CDC42EP4: variants seen among roughly 807,000 people sequenced by gnomAD.
The protein encoded by CDC42EP4 is CDC42 effector protein 4, also known as CDC42 effector protein (Rho GTPase binding) 4.
A neutral mutation model predicts 5.6 loss-of-function variants in CDC42EP4; 6 were observed. That is an observed-to-expected ratio of 1.07 (90% confidence interval 0.59 to 2.12). CDC42EP4 has a LOEUF of 2.12. CDC42EP4 is among the 30% of genes most tolerant of loss of function. The probability of loss-of-function intolerance (pLI) is 0.00; values close to 1 mark genes in which losing one functional copy is unlikely to be tolerated. For missense variants in CDC42EP4, 490 were observed against 508.6 expected, an observed-to-expected ratio of 0.96 and a Z score of 0.35; for synonymous variants, 230 against 224.2, an observed-to-expected ratio of 1.03 and a Z score of -0.23.
chr17:73,286,532 C>G lies in CDC42EP4; in HGVS notation c.-32G>C. 1.3e-6 allele frequency: 2 copies of G among 1,525,772 alleles called. No individual in the cohort carries two copies. Among genetic ancestry groups the G allele is most frequent in the Non-Finnish European group, 1.8e-6 (2 of 1,130,102 alleles). 94.5% of individuals were successfully genotyped at this position (1,525,772 alleles called of 1,614,324 possible). On this transcript the variant is annotated 5_prime_UTR_variant, in exon 2 of 2. Coordinates refer to ENST00000335793, the MANE Select transcript of CDC42EP4 (RefSeq NM_012121.5). The surrounding 1 kb of genome is among the most constrained non-coding windows in gnomAD (Gnocchi z 7.7). ...GGATGGGCGGGGAGGTGGGCCCTCC[C>G]GAGGTAGCCGGCAGGTCTGGGGTCA...
At chr17:73,300,486 CTA>C (rs2145321902) in intron 1 of CDC42EP4, among the ~76,000 whole-genome samples, 1 of 152,312 alleles carries the variant, frequency 6.6e-6, no homozygotes, top group East Asian at 1.9e-4. Context: ...TGCCTTCTCT[CTA>C]TGAGTTAATA....
Position 73,296,167 on chromosome 17 carries a change from C to T in CDC42EP4, c.-112-9555G>A, listed in dbSNP as rs939069650. ...TTGGGAGGCCGAGGCGGGTGGACCACGACGTCAGGAGTTTGAGACCAGCCT... is the reference window on the plus strand; with the variant it reads ...TTGGGAGGCCGAGGCGGGTGGACCATGACGTCAGGAGTTTGAGACCAGCCT... On this transcript the variant is annotated intron_variant, in intron 1 of 1. Coordinates refer to ENST00000335793, the MANE Select transcript of CDC42EP4 (RefSeq NM_012121.5). Among the ~76,000 whole-genome samples the T allele has an allele frequency of 8.7e-4, 129 of 148,770 alleles. 3 individuals are homozygous for T. The highest frequency in any genetic ancestry group is 3.0e-3 in the African/African-American group (119 of 40,104).
chr17:73,290,693 A>G (rs7212670), intron 1 of CDC42EP4, among the ~76,000 whole-genome samples: 36,705 of 152,140 alleles, frequency 0.24, 5,087 homozygotes, highest in Non-Finnish European at 0.32. Flanking sequence ...GGTAAACAAC[A>G]AAGACAGAGA....
At position 73,285,647 on chromosome 17, in the gene CDC42EP4, C is replaced by G. The variant is rs751620196; in HGVS notation, c.854G>C (p.Gly285Ala). The part of the protein sequence containing the change: ...SLPSHALEDE[G>A]WAAAAPSPGS... ...GGGGCTGGGGGCCGCTGCTGCCCACCCCTCATCCTCCAGAGCATGGGAGGG... is the reference window on the plus strand; with the variant it reads ...GGGGCTGGGGGCCGCTGCTGCCCACGCCTCATCCTCCAGAGCATGGGAGGG... The change falls in exon 2 of 2, where the codon GGG becomes GCG. Residue 285 changes from glycine to alanine, a missense_variant. By Grantham distance (60) the Gly-to-Ala change is moderately conservative. Coordinates refer to ENST00000335793, the MANE Select transcript of CDC42EP4 (RefSeq NM_012121.5). This position sits in a 1 kb window ranked among gnomAD's most constrained non-coding sequence, Gnocchi z 6.8. 1.9e-6 allele frequency: 3 copies of G among 1,592,904 alleles called. No individual in the cohort carries two copies. In the East Asian group the frequency reaches 6.8e-5, roughly 36 times the overall value.
chr17:73,287,388 T>C (rs1165386586), intron 1 of CDC42EP4, among the ~76,000 whole-genome samples: 1 of 152,166 alleles, frequency 6.6e-6, no homozygotes, highest in African/African-American at 2.4e-5. Context: ...TTCCAGTTTC[T>C]TTCATCATTA....
At chr17:73,295,611 T>C (rs2062180427) in intron 1 of CDC42EP4, among the ~76,000 whole-genome samples, 1 of 152,214 alleles carries the variant, frequency 6.6e-6, no homozygotes, top group African/African-American at 2.4e-5. Context: ...TTAAAATAAA[T>C]GATGGTTTTG....
At chr17:73,307,410 G>T (rs2062249015) in intron 1 of CDC42EP4, 1 of 152,084 alleles carries the variant, frequency 6.6e-6, no homozygotes, top group Non-Finnish European at 1.5e-5. Flanking sequence ...CGGTGAGCGG[G>T]AATGTGGGAG....
At chr17:73,307,862 T>C (rs1361221715) in intron 1 of CDC42EP4, among the ~76,000 whole-genome samples, 2 of 150,282 alleles carry the variant, frequency 1.3e-5, no homozygotes, top group Admixed American at 6.7e-5. Context: ...GTGTCTCAGC[T>C]TCCCCAGTAG....
intron 1 of CDC42EP4, chr17:73,306,698 AG>A (rs796358650): frequency 5.2e-4 from 79 of 152,358 alleles, no homozygotes; most frequent in African/African-American, 1.6e-3. Context: ...CCAGGACTTG[AG>A]GGGAACAGGT....
chr17:73,286,043 C>A lies in CDC42EP4; in HGVS notation c.458G>T (p.Gly153Val). Residue 153 changes from glycine (G) to valine (V), a missense_variant, in exon 2 of 2, where the codon GGC (glycine) becomes GTC (valine). Transcript: ENST00000335793. This position sits in a 1 kb window ranked among gnomAD's most constrained non-coding sequence, Gnocchi z 7.7. ...CTCCTCCGTGCCCGCCTCCTCATCG[C>A]CGCCCTCCCCGTCATTGGCCTTCTT... ...PVKKANDGEG[G>V]DEEAGTEEAV... The A allele has an allele frequency of 6.2e-7, 1 of 1,613,906 alleles. No homozygotes were observed. The highest frequency in any genetic ancestry group is 2.2e-5 in the East Asian group (1 of 44,870).
At chr17:73,304,647 C>T (rs1425858732) in intron 1 of CDC42EP4, among the ~76,000 whole-genome samples, 7 of 105,618 alleles carry the variant, frequency 6.6e-5, no homozygotes, top group South Asian at 3.4e-4. Flanking sequence ...CCATAAGGAA[C>T]ATCGGGGTGG....
chr17:73,297,836 T>G (rs1214404676), intron 1 of CDC42EP4, among the ~76,000 whole-genome samples: 2 of 151,752 alleles, frequency 1.3e-5, no homozygotes, highest in East Asian at 3.9e-4. Flanking sequence ...TTTTTATATT[T>G]TCAGTAAAGA....
At chr17:73,307,890 C>T (rs1242434715) in intron 1 of CDC42EP4, among the ~76,000 whole-genome samples, 4 of 151,266 alleles carry the variant, frequency 2.6e-5, no homozygotes, top group African/African-American at 7.3e-5. Flanking sequence ...TATAGGTGCA[C>T]GCCACCATGC....
At chr17:73,298,015 A>T (rs1479291921) in intron 1 of CDC42EP4, among the ~76,000 whole-genome samples, 1 of 146,222 alleles carries the variant, frequency 6.8e-6, no homozygotes, top group South Asian at 2.1e-4. Flanking sequence ...AAAAAAACCC[A>T]AAGTATCAAA....
intron 1 of CDC42EP4, chr17:73,307,358 TCTC>T (rs1431923507): frequency 6.6e-6 from 1 of 151,804 alleles, no homozygotes; most frequent in African/African-American, 2.4e-5. Context: ...GAAGCCCAAG[TCTC>T]CTCAAGAAGG....
chr17:73,285,200 A>C lies in CDC42EP4; in HGVS notation c.*230T>G, dbSNP rs2062124244. On this transcript the variant is annotated 3_prime_UTR_variant, in exon 2 of 2. Transcript: ENST00000335793. This position sits in a 1 kb window ranked among gnomAD's most constrained non-coding sequence, Gnocchi z 6.8. ...ACACAGCCCTTGTCCCACGCAGCCT[A>C]AGTGCAGGGAGCATGATGAAGTCAG... The C allele has an allele frequency of 5.0e-6, 2 of 403,466 alleles. No homozygotes were observed. The highest frequency in any genetic ancestry group is 8.9e-6 in the Non-Finnish European group (2 of 225,476). The allele number at this position is 403,466 out of a possible 1,614,324, so 25.0% of individuals were successfully genotyped here.
chr17:73,285,393 G>A lies in CDC42EP4; in HGVS notation c.*37C>T. 1.3e-6 allele frequency: 2 copies of A among 1,486,370 alleles called. No homozygotes were observed. Among genetic ancestry groups the A allele is most frequent in the South Asian group, 1.3e-5 (1 of 78,404 alleles). The allele number at this position is 1,486,370 out of a possible 1,614,324, so 92.1% of individuals were successfully genotyped here. A position where few individuals can be genotyped will look rare whatever the true frequency, so the allele number is the denominator to read the frequency against. ...AGTGGGGTGGGGGCAGGGAGAAGAT[G>A]CAGCCAAGAGCTCCCGGTGGCCACC... On this transcript the variant is annotated 3_prime_UTR_variant, in exon 2 of 2. Coordinates refer to ENST00000335793, the MANE Select transcript of CDC42EP4 (RefSeq NM_012121.5). This position sits in a 1 kb window ranked among gnomAD's most constrained non-coding sequence, Gnocchi z 6.8.
chr17:73,307,712 T>A (rs1410996862), intron 1 of CDC42EP4, among the ~76,000 whole-genome samples: 1 of 151,102 alleles, frequency 6.6e-6, no homozygotes, highest in East Asian at 2.0e-4. Flanking sequence ...CCTCCCAAAG[T>A]GCTGGGATTA....
intron 1 of CDC42EP4, among the ~76,000 whole-genome samples, chr17:73,308,889 T>C (rs2145331265): frequency 6.7e-6 from 1 of 150,294 alleles, no homozygotes; most frequent in Non-Finnish European, 1.5e-5. Context: ...CAAAAAAAAA[T>C]TAGCCGGGCG....
Sources: allele counts gnomAD v4.1 joint callset (sites outside exome capture counted in the v4.1 genomes callset), GRCh38; gene constraint gnomAD v4.1.1; non-coding constraint Gnocchi (gnomAD v3.1); transcripts MANE v1.5; gene names NCBI Gene and HGNC (gene_info 2026-07-23, HGNC 2026-07-21).